The following RFTN2 variants were observed in gnomAD, a reference collection of about 807,000 sequenced individuals.
The protein encoded by RFTN2 is raftlin family member 2.
In RFTN2, 34 loss-of-function variants were observed where a neutral mutation model predicts 52.7. The ratio of observed to expected loss-of-function variants is 0.64; its 90% CI spans 0.49 to 0.86. The LOEUF (loss-of-function observed/expected upper bound fraction) is 0.86. Ranked by LOEUF, RFTN2 falls within the 40% of genes least tolerant of loss-of-function variation. RFTN2 has a pLI of 0.00. For missense variants in RFTN2, 536 were observed against 600.1 expected, an observed-to-expected ratio of 0.89 and a Z score of 1.12; for synonymous variants, 203 against 217.7, an observed-to-expected ratio of 0.93 and a Z score of 0.59.
At chr2:197,606,743 T>G (rs1184689870) in intron 7 of RFTN2, among the ~76,000 whole-genome samples, 2 of 151,604 alleles carry the variant, frequency 1.3e-5, no homozygotes, top group African/African-American at 4.9e-5. Context: ...TCATCATCAC[T>G]GGCCATCAGA....
At chr2:197,618,285 G>A (rs1435890327) in intron 5 of RFTN2, among the ~76,000 whole-genome samples, 2 of 152,070 alleles carry the variant, frequency 1.3e-5, no homozygotes, top group Non-Finnish European at 1.5e-5. Context: ...ACGGGGATTC[G>A]CTGTGTTGGC....
At chr2:197,573,513 GT>G (rs1432214063) in intron 8 of RFTN2, among the ~76,000 whole-genome samples, 1 of 152,150 alleles carries the variant, frequency 6.6e-6, no homozygotes, top group Non-Finnish European at 1.5e-5. Flanking sequence ...AAAACATTCA[GT>G]TTTAGGTATT....
chr2:197,590,737 C>T (rs547841188), intron 8 of RFTN2, among the ~76,000 whole-genome samples: 3 of 152,134 alleles, frequency 2.0e-5, no homozygotes, highest in Non-Finnish European at 2.9e-5. Context: ...CAGACCTCCA[C>T]GGTGAGTGTT....
At chr2:197,619,407 C>T (rs2088217891) in intron 5 of RFTN2, among the ~76,000 whole-genome samples, 1 of 152,264 alleles carries the variant, frequency 6.6e-6, no homozygotes, top group African/African-American at 2.4e-5. Context: ...AAGAGAAATT[C>T]TTCTGCCTTG....
intron 7 of RFTN2, among the ~76,000 whole-genome samples, chr2:197,608,680 C>T (rs935851336): frequency 7.1e-6 from 1 of 141,388 alleles, no homozygotes; most frequent in Non-Finnish European, 1.5e-5. Context: ...ATGTGCACAA[C>T]GTGCAGGTTT....
intron 1 of RFTN2, among the ~76,000 whole-genome samples, chr2:197,673,483 A>G (rs1053116982): frequency 2.0e-5 from 3 of 152,214 alleles, no homozygotes; most frequent in Admixed American, 6.5e-5. Context: ...TTGGAGCGCA[A>G]TGGGGCACCA....
intron 8 of RFTN2, among the ~76,000 whole-genome samples, chr2:197,584,924 C>T (rs1304731202): frequency 6.6e-6 from 1 of 152,140 alleles, no homozygotes; most frequent in South Asian, 2.1e-4. Context: ...CCTAGCTGGA[C>T]GATCAGTTCT....
intron 1 of RFTN2, among the ~76,000 whole-genome samples, chr2:197,669,088 G>A (rs2089105659): frequency 6.6e-6 from 1 of 152,162 alleles, no homozygotes; most frequent in Non-Finnish European, 1.5e-5. Context: ...TACTCAATGT[G>A]TGATTATCTA....
chr2:197,656,632 T>C (rs1902249), intron 1 of RFTN2, among the ~76,000 whole-genome samples: 103,472 of 151,956 alleles, frequency 0.68, 35,574 homozygotes, highest in Middle Eastern at 0.85. Context: ...AAAAAATCTC[T>C]GGGAAGATCA....
In RFTN2 at chr2:197,624,240, T is replaced by C. The variant is rs1001448755; in HGVS notation, c.929-6319A>G. 3.9e-5 allele frequency among the ~76,000 whole-genome samples: 6 copies of C among 152,312 alleles called. No individual in the cohort carries two copies. In the East Asian group the frequency reaches 1.2e-3, roughly 29 times the overall value. On this transcript the variant is annotated intron_variant, in intron 5 of 8. Transcript: ENST00000295049. ...GGTTTGAGAGGATTGACTCCCATTTTGAAAGAAGTTCTACTGTGGTTAAAA... is the reference window on the plus strand; with the variant it reads ...GGTTTGAGAGGATTGACTCCCATTTCGAAAGAAGTTCTACTGTGGTTAAAA...
At chr2:197,595,500 A>C (rs558329672) in intron 8 of RFTN2, among the ~76,000 whole-genome samples, 1 of 152,370 alleles carries the variant, frequency 6.6e-6, no homozygotes, top group Admixed American at 6.5e-5. Context: ...ACAGGTGACT[A>C]GATGAGGGAA....
intron 1 of RFTN2, among the ~76,000 whole-genome samples, chr2:197,667,058 C>T (rs1016152416): frequency 5.3e-5 from 8 of 152,178 alleles, no homozygotes; most frequent in Non-Finnish European, 7.4e-5. Context: ...CAGTGGCACT[C>T]GGCTCACTGC....
intron 3 of RFTN2, among the ~76,000 whole-genome samples, chr2:197,640,948 T>C (rs1418818331): frequency 1.3e-5 from 2 of 152,226 alleles, no homozygotes; most frequent in Non-Finnish European, 2.9e-5. Flanking sequence ...GGACTGTGTC[T>C]TATCCTTCTT....
intron 3 of RFTN2, among the ~76,000 whole-genome samples, chr2:197,640,436 G>T (rs1159767079): frequency 6.6e-6 from 1 of 152,256 alleles, no homozygotes. Context: ...ATAATCTCGT[G>T]GTGCGCCGTT....
rs1457641578 is a variant in RFTN2 at position 197,637,096 on chromosome 2, G to A, written c.439-3099C>T. ...TGCATCCCAGGGATGAAGCCCACTT[G>A]ATCATGGTGGATAAGCTTTTTGATG... On this transcript the variant is annotated intron_variant, in intron 3 of 8. Transcript: ENST00000295049. Among the ~76,000 whole-genome samples the A allele has an allele frequency of 3.8e-3, 575 of 150,230 alleles. 7 individuals carry two copies. Among genetic ancestry groups the A allele is most frequent in the African/African-American group, 0.014 (556 of 41,054 alleles).
At chr2:197,603,220 AG>A (rs760174340) in intron 7 of RFTN2, among the ~76,000 whole-genome samples, 7 of 152,232 alleles carry the variant, frequency 4.6e-5, no homozygotes, top group African/African-American at 9.6e-5. Context: ...TAATAAAAAA[AG>A]TCTCATATTT....
chr2:197,664,916 T>C (rs1027928869), intron 1 of RFTN2, among the ~76,000 whole-genome samples: 3 of 152,226 alleles, frequency 2.0e-5, no homozygotes, highest in Non-Finnish European at 4.4e-5. Context: ...GTTAGGTTCA[T>C]GTGGTCTAAC....
intron 1 of RFTN2, among the ~76,000 whole-genome samples, chr2:197,654,557 C>T (rs1468939004): frequency 2.0e-5 from 3 of 152,178 alleles, no homozygotes; most frequent in Admixed American, 1.3e-4. Context: ...TCTGTATATA[C>T]AGCCGAAGAG....
chr2:197,633,585 G>T (rs1293427291), intron 4 of RFTN2, 133 bp downstream of exon 4: 2 of 710,890 alleles, frequency 2.8e-6, no homozygotes, highest in East Asian at 2.7e-5. Context: ...TAAAAATCAT[G>T]AGGTTTTTAT....
Sources: allele counts gnomAD v4.1 joint callset (sites outside exome capture counted in the v4.1 genomes callset), GRCh38; gene constraint gnomAD v4.1.1; transcripts MANE v1.5; gene names NCBI Gene and HGNC (gene_info 2026-07-23, HGNC 2026-07-21).